CLASP2: variants seen among roughly 807,000 people sequenced by gnomAD.
The protein encoded by CLASP2 is CLIP-associating protein 2.
A neutral mutation model predicts 194.4 loss-of-function variants in CLASP2; 47 were observed. The ratio of observed to expected loss-of-function variants is 0.24; its 90% CI spans 0.19 to 0.31. CLASP2 has a LOEUF of 0.31. CLASP2 is among the 10% of genes least tolerant of loss of function. CLASP2 has a pLI of 1.00. For synonymous variants in CLASP2, 619 were observed against 633.5 expected (o/e 0.98, Z 0.34); for missense variants, 1,445 against 1,823.6 (o/e 0.79, Z 3.78).
At chr3:33,608,462 A>T (rs1300957371) in intron 14 of CLASP2, 105 bp downstream of exon 14, 1 of 890,092 alleles carries the variant, frequency 1.1e-6, no homozygotes, top group Non-Finnish European at 1.8e-6. Context: ...AGTACAAATA[A>T]CCTTTGAAGC....
chr3:33,502,247 T>C (rs1019551926), intron 37 of CLASP2: 1 of 152,640 alleles, frequency 6.6e-6, no homozygotes, highest in African/African-American at 2.4e-5. Flanking sequence ...TGTAAACTAT[T>C]CCCCTATGCT....
At chr3:33,644,714 G>A (rs2081984536) in intron 8 of CLASP2, 43 bp downstream of exon 8, 2 of 1,603,214 alleles carry the variant, frequency 1.2e-6, no homozygotes, top group Non-Finnish European at 1.7e-6. Flanking sequence ...CCATATCAAG[G>A]GCATGGAGCA....
intron 6 of CLASP2, 31 bp downstream of exon 6, chr3:33,684,328 A>T: frequency 7.3e-7 from 1 of 1,366,826 alleles, no homozygotes; most frequent in Non-Finnish European, 1.0e-6. Context: ...TGGTGAAAAA[A>T]AAAAAAAGAA....
intron 21 of CLASP2, among the ~76,000 whole-genome samples, chr3:33,586,902 AGATGACTGATCAAGAGG>A (rs1204444712): frequency 2.6e-5 from 4 of 152,150 alleles, no homozygotes; most frequent in Non-Finnish European, 4.4e-5. Flanking sequence ...GGGAGTAGTA[AGATGACTGATCAAGAGG>A]GGGGGTGCCT....
At chr3:33,523,678 AACT>A (rs2053755108) in intron 34 of CLASP2, among the ~76,000 whole-genome samples, 1 of 152,230 alleles carries the variant, frequency 6.6e-6, no homozygotes, top group African/African-American at 2.4e-5. Flanking sequence ...CAATTATAAA[AACT>A]ACTATTATTG....
intron 35 of CLASP2, among the ~76,000 whole-genome samples, chr3:33,516,718 ACTAAT>A (rs1170965217): frequency 2.6e-5 from 4 of 152,192 alleles, no homozygotes; most frequent in African/African-American, 7.2e-5. Context: ...CTCCTGAACA[ACTAAT>A]CTAAATATGT....
chr3:33,680,491 T>C (rs2089631242), intron 6 of CLASP2, among the ~76,000 whole-genome samples: 1 of 152,220 alleles, frequency 6.6e-6, no homozygotes, highest in African/African-American at 2.4e-5. Context: ...CACTTAATTT[T>C]ACTGTGAACC....
At chr3:33,710,618 T>C (rs1242104827) in intron 1 of CLASP2, among the ~76,000 whole-genome samples, 1 of 152,030 alleles carries the variant, frequency 6.6e-6, no homozygotes, top group Non-Finnish European at 1.5e-5. Flanking sequence ...ATAGCATTTA[T>C]GATACTCTCT....
At chr3:33,714,043 A>G (rs191183650) in intron 1 of CLASP2, among the ~76,000 whole-genome samples, 1 of 152,280 alleles carries the variant, frequency 6.6e-6, no homozygotes. Context: ...AAAGCAATAT[A>G]CTTATGTCTC....
At chr3:33,689,524 A>G (rs987274146) in intron 3 of CLASP2, among the ~76,000 whole-genome samples, 5 of 152,154 alleles carry the variant, frequency 3.3e-5, no homozygotes, top group Non-Finnish European at 7.4e-5. Context: ...AGCTTTCTCA[A>G]TAAACATTTT....
chr3:33,502,051 C>T (rs2046970565), intron 37 of CLASP2: 1 of 265,148 alleles, frequency 3.8e-6, no homozygotes, highest in Non-Finnish European at 7.1e-6. Flanking sequence ...TGCCAATTCA[C>T]CCTGAAAAAA....
chr3:33,533,013 A>T (rs1450846237), intron 34 of CLASP2, among the ~76,000 whole-genome samples: 1 of 152,216 alleles, frequency 6.6e-6, no homozygotes, highest in African/African-American at 2.4e-5. Context: ...CCCAATTTTT[A>T]AGCTCTTGAT....
intron 23 of CLASP2, chr3:33,577,246 C>T (rs749908038): frequency 5.0e-6 from 8 of 1,597,960 alleles, no homozygotes; most frequent in East Asian, 2.2e-5. Context: ...ACCAGTTGAT[C>T]TGGAATGGTG....
chr3:33,499,464 C>T (rs985684902), intron 38 of CLASP2, among the ~76,000 whole-genome samples: 15 of 150,878 alleles, frequency 9.9e-5, no homozygotes, highest in Non-Finnish European at 2.2e-4. Context: ...ATTCTCCTGT[C>T]TCAGCCTCCC....
Position 33,718,021 on chromosome 3 carries a change from G to T in CLASP2, c.-19C>A. 1 of 1,459,928 alleles carries T rather than the reference G, an allele frequency of 6.8e-7. No individual in the cohort carries two copies. Among genetic ancestry groups the T allele is most frequent in the African/African-American group, 1.5e-5 (1 of 68,844 alleles). 90.4% of individuals were successfully genotyped at this position (1,459,928 alleles called of 1,614,324 possible). A position where few individuals can be genotyped will look rare whatever the true frequency, so the allele number is the denominator to read the frequency against. On this transcript the variant is annotated 5_prime_UTR_variant, in exon 1 of 39. Coordinates refer to ENST00000682230, the MANE Select transcript of CLASP2 (RefSeq NM_001365631.1). ...GCTCCATGGCTGCGGCCGCCCGCCC[G>T]CCTGCCAGTCTGTGAGCGGCCAACT...
chr3:33,545,707 C>T (rs550133753), intron 30 of CLASP2, among the ~76,000 whole-genome samples: 23 of 152,126 alleles, frequency 1.5e-4, no homozygotes, highest in African/African-American at 3.4e-4. Context: ...GTCAGGAGTT[C>T]GAGACCAGTC....
chr3:33,695,760 C>T (rs946714990), intron 2 of CLASP2, among the ~76,000 whole-genome samples: 1 of 152,048 alleles, frequency 6.6e-6, no homozygotes, highest in African/African-American at 2.4e-5. Flanking sequence ...GGTAACATAA[C>T]AACACCCCAT....
At chr3:33,569,599 G>C (rs941467639) in intron 26 of CLASP2, among the ~76,000 whole-genome samples, 48 of 152,108 alleles carry the variant, frequency 3.2e-4, no homozygotes, top group African/African-American at 1.1e-3. Context: ...ATCTAGAATG[G>C]TATAGTTATC....
At position 33,517,047 on chromosome 3, in the gene CLASP2, A is replaced by G. The variant is rs781181989; in HGVS notation, c.3915T>C (p.Phe1305=). 6.2e-7 allele frequency: 1 copy of G among 1,613,726 alleles called. No homozygotes were observed. Among genetic ancestry groups the G allele is most frequent in the Admixed American group, 1.7e-5 (1 of 60,008 alleles). ...ELMKLTQEES[F]SVWDEHFKTI... is the part of the protein sequence containing the mutation. Reference sequence around the variant, plus strand: ...TTTTGAAGTGTTCATCCCAAACACTAAAAGATTCTTCCTGTGTCAGTTTCA... The same window carrying G: ...TTTTGAAGTGTTCATCCCAAACACTGAAAGATTCTTCCTGTGTCAGTTTCA... The change falls in exon 35 of 39, where the codon TTT becomes TTC. Residue 1305 remains phenylalanine, a synonymous_variant. Coordinates refer to ENST00000682230, the MANE Select transcript of CLASP2 (RefSeq NM_001365631.1).
Sources: gnomAD v4.1 joint callset for allele counts (sites outside exome capture counted in the v4.1 genomes callset) on GRCh38, gnomAD v4.1.1 for gene constraint, MANE v1.5 for transcripts, NCBI Gene and HGNC (gene_info 2026-07-23, HGNC 2026-07-21) for gene names.